The following GLI2 variants were observed in gnomAD, a reference collection of about 807,000 sequenced individuals.
The protein encoded by GLI2 is transcription activator GLI2.
A neutral mutation model predicts 78.9 loss-of-function variants in GLI2; 22 were observed. The ratio of observed to expected loss-of-function variants is 0.28; its 90% CI spans 0.20 to 0.40. GLI2 has a LOEUF of 0.40. Ranked by LOEUF, GLI2 falls within the 10% of genes least tolerant of loss-of-function variation. The pLI, the probability that GLI2 is intolerant of heterozygous loss-of-function variation, is 1.00. For missense variants in GLI2, 2,097 were observed against 2,213.2 expected (o/e 0.95, Z 1.05); for synonymous variants, 974 against 963.7 (o/e 1.01, Z -0.20).
At chr2:120,835,332 T>G (rs1686557960) in intron 2 of GLI2, among the ~76,000 whole-genome samples, 1 of 151,538 alleles carries the variant, frequency 6.6e-6, no homozygotes, top group Non-Finnish European at 1.5e-5. Context: ...CTCCCGTTGT[T>G]GCTCAGGTGA....
chr2:120,965,122 C>G (rs1023479346), intron 5 of GLI2, among the ~76,000 whole-genome samples: 1 of 152,260 alleles, frequency 6.6e-6, no homozygotes, highest in Non-Finnish European at 1.5e-5. Flanking sequence ...ATCAGAGGAG[C>G]ACGCTCCAGC....
chr2:120,776,971 G>A (rs952715076), intron 1 of GLI2, among the ~76,000 whole-genome samples: 6 of 152,302 alleles, frequency 3.9e-5, no homozygotes, highest in Non-Finnish European at 7.3e-5. Flanking sequence ...TCTCCAGAAG[G>A]ACCCACTGCC....
intron 1 of GLI2, among the ~76,000 whole-genome samples, chr2:120,795,974 G>A (rs1684372099): frequency 6.6e-6 from 1 of 152,176 alleles, no homozygotes; most frequent in African/African-American, 2.4e-5. Flanking sequence ...AACCTGGGAG[G>A]CAGAGGTTGC....
chr2:120,779,080 C>T (rs1360353475), intron 1 of GLI2, among the ~76,000 whole-genome samples: 3 of 152,336 alleles, frequency 2.0e-5, no homozygotes, highest in Admixed American at 2.0e-4. Context: ...ACACCCTTCC[C>T]ATGTAAAGTA....
intron 1 of GLI2, among the ~76,000 whole-genome samples, chr2:120,741,352 C>T (rs1380264397): frequency 1.3e-5 from 2 of 152,064 alleles, no homozygotes; most frequent in Non-Finnish European, 2.9e-5. Context: ...TGTCCCCCTC[C>T]TTTGGCTCTC....
intron 1 of GLI2, among the ~76,000 whole-genome samples, chr2:120,743,641 A>G (rs1005063753): frequency 9.2e-5 from 14 of 152,182 alleles, no homozygotes; most frequent in Non-Finnish European, 1.6e-4. Context: ...GGATGGCTGC[A>G]ATATAAAGAT....
intron 5 of GLI2, among the ~76,000 whole-genome samples, chr2:120,963,159 T>C (rs1681666619): frequency 6.6e-6 from 1 of 152,228 alleles, no homozygotes; most frequent in Non-Finnish European, 1.5e-5. Context: ...CACTCCATTA[T>C]TGACTGGAGG....
intron 2 of GLI2, among the ~76,000 whole-genome samples, chr2:120,857,393 C>G (rs1210597178): frequency 8.2e-5 from 10 of 121,360 alleles, no homozygotes; most frequent in Non-Finnish European, 1.7e-4. Flanking sequence ...ATCTGCCCAC[C>G]CACCCACCCA....
chr2:120,828,600 G>A (rs370763324), intron 2 of GLI2, among the ~76,000 whole-genome samples: 5 of 152,216 alleles, frequency 3.3e-5, no homozygotes, highest in East Asian at 3.9e-4. Flanking sequence ...CCCACAGCCC[G>A]GAGGAATCTG....
chr2:120,961,648 A>C (rs1391319226), intron 5 of GLI2, among the ~76,000 whole-genome samples: 1 of 152,128 alleles, frequency 6.6e-6, no homozygotes, highest in Non-Finnish European at 1.5e-5. Flanking sequence ...GAGGGGTGAG[A>C]GGGCTGTGGA....
rs112845850 is a variant in GLI2, at chr2:120,870,485, G to A, written c.149-56876G>A. Among the ~76,000 whole-genome samples, 500 of 152,308 alleles carry A rather than the reference G, an allele frequency of 3.3e-3. 1 individual carries two copies. The highest frequency in any genetic ancestry group is 5.4e-3 in the Non-Finnish European group (370 of 68,024). ...GGGGAGGAAACTGAGTCCCGAGAGAGGGCAGCGACTTGGTTCAGGTCTCAG... is the reference window on the plus strand; with the variant it reads ...GGGGAGGAAACTGAGTCCCGAGAGAAGGCAGCGACTTGGTTCAGGTCTCAG... On this transcript the variant is annotated intron_variant, in intron 2 of 13. Transcript: ENST00000361492.
rs1687500851 is a variant in GLI2, at chr2:120,853,411, C to T, written c.148+55943C>T. Among the ~76,000 whole-genome samples, 3 of 152,104 alleles carry T rather than the reference C, an allele frequency of 2.0e-5. No individual in the cohort carries two copies. The South Asian group carries it at 6.2e-4, about 32-fold the overall frequency. On this transcript the variant is annotated intron_variant, in intron 2 of 13. Coordinates refer to ENST00000361492, the MANE Select transcript of GLI2 (RefSeq NM_001374353.1). ...GAGAAATTCTGTGACATGGTTCCACCATTGGTTCTGGGGAGAAGATTCTCC... is the reference window on the plus strand; with the variant it reads ...GAGAAATTCTGTGACATGGTTCCACTATTGGTTCTGGGGAGAAGATTCTCC...
chr2:120,988,678 G>A lies in GLI2; in HGVS notation c.2713G>A (p.Ala905Thr), dbSNP rs1384533626. ...SLRTRLALLD[A>T]PERTLPAGCP... Reference sequence around the variant, plus strand: ...GCGGACCAGGCTGGCGCTGCTGGACGCGCCCGAGCGCACGCTGCCCGCCGG... The same window carrying A: ...GCGGACCAGGCTGGCGCTGCTGGACACGCCCGAGCGCACGCTGCCCGCCGG... The change falls in exon 14 of 14, where the codon GCG becomes ACG. Residue 905 changes from alanine (A) to threonine (T), a missense_variant. By Grantham distance (58) the Ala-to-Thr change is moderately conservative. This residue lies in a region of GLI2 where 1,290 missense variants were observed against 1,261.7 expected (regional missense o/e 1.02). Transcript: ENST00000361492. 2 of 1,320,746 alleles carry A rather than the reference G, an allele frequency of 1.5e-6. No homozygotes were observed. Among genetic ancestry groups the A allele is most frequent in the Admixed American group, 3.6e-5 (1 of 27,612 alleles). 81.8% of individuals were successfully genotyped at this position (1,320,746 alleles called of 1,614,324 possible).
intron 2 of GLI2, among the ~76,000 whole-genome samples, chr2:120,894,674 T>G (rs1173834730): frequency 7.3e-6 from 1 of 137,734 alleles, no homozygotes; most frequent in African/African-American, 2.7e-5. Flanking sequence ...TTTTACCTCT[T>G]TCCTCCCATA....
At chr2:120,980,853 T>C (rs1300109140) in intron 10 of GLI2, among the ~76,000 whole-genome samples, 4 of 152,152 alleles carry the variant, frequency 2.6e-5, no homozygotes, top group Non-Finnish European at 4.4e-5. Flanking sequence ...ATATAGCTCT[T>C]CCATTGAGGT....
intron 11 of GLI2, among the ~76,000 whole-genome samples, chr2:120,984,119 G>C (rs536399020): frequency 1.3e-5 from 2 of 152,238 alleles, no homozygotes; most frequent in African/African-American, 4.8e-5. Flanking sequence ...TGCTGTCAGA[G>C]GGTACACTGA....
intron 1 of GLI2, among the ~76,000 whole-genome samples, chr2:120,748,480 G>C (rs908041357): frequency 6.6e-6 from 1 of 152,146 alleles, no homozygotes; most frequent in Non-Finnish European, 1.5e-5. Context: ...GACCTCATAG[G>C]GCAAGTGCTG....
intron 9 of GLI2, among the ~76,000 whole-genome samples, chr2:120,976,540 G>C (rs1682465598): frequency 6.6e-6 from 1 of 152,352 alleles, no homozygotes; most frequent in East Asian, 1.9e-4. Flanking sequence ...GTGAGTTGCA[G>C]AACAAATCAG....
chr2:120,798,757 G>T (rs1304808585), intron 2 of GLI2, among the ~76,000 whole-genome samples: 1 of 152,126 alleles, frequency 6.6e-6, no homozygotes, highest in Non-Finnish European at 1.5e-5. Context: ...GGAGCCAAGC[G>T]CACAGGGAGG....
Sources: gnomAD v4.1 joint callset for allele counts (sites outside exome capture counted in the v4.1 genomes callset) on GRCh38, gnomAD v4.1.1 for gene constraint, gnomAD v4.1.1 regional missense constraint, MANE v1.5 for transcripts, NCBI Gene and HGNC (gene_info 2026-07-23, HGNC 2026-07-21) for gene names.